Variants in FRAS1 observed in about 807,000 individuals in gnomAD.
FRAS1 encodes extracellular matrix organizing protein FRAS1.
In FRAS1, 290 loss-of-function variants were observed where a neutral mutation model predicts 435.2. That is an observed-to-expected ratio of 0.67 (90% CI 0.61 to 0.73). FRAS1 has a LOEUF of 0.73. FRAS1 is among the 30% of genes least tolerant of loss of function. FRAS1 has a pLI of 0.00. For missense variants in FRAS1, 4,860 were observed against 5,001.5 expected, an observed-to-expected ratio of 0.97 and a Z score of 0.85; for synonymous variants, 1,800 against 1,851.0, an observed-to-expected ratio of 0.97 and a Z score of 0.71.
chr4:78,286,303 C>A, intron 13 of FRAS1, 102 bp from the exon 14 acceptor site: 1 of 1,327,332 alleles, frequency 7.5e-7, no homozygotes, highest in Non-Finnish European at 1.1e-6. Flanking sequence ...TGTTTGGGAC[C>A]TGGAGCCTCA....
intron 50 of FRAS1, among the ~76,000 whole-genome samples, 193 bp downstream of exon 50, chr4:78,466,628 G>C (rs113062538): frequency 3.3e-5 from 5 of 152,328 alleles, no homozygotes; most frequent in African/African-American, 1.2e-4. Flanking sequence ...GCTTCAAATA[G>C]TTGGTTTAAG....
chr4:78,528,978 A>G (rs1045547599), intron 70 of FRAS1, among the ~76,000 whole-genome samples: 1 of 152,096 alleles, frequency 6.6e-6, no homozygotes, highest in African/African-American at 2.4e-5. Flanking sequence ...GGAGGAAAAG[A>G]AGAGAGGAGC....
chr4:78,315,129 G>A (rs1267483625), intron 15 of FRAS1, among the ~76,000 whole-genome samples: 1 of 152,158 alleles, frequency 6.6e-6, no homozygotes, highest in African/African-American at 2.4e-5. Flanking sequence ...AATTTTAGTA[G>A]CATGACCTTG....
chr4:78,473,616 T>C lies in FRAS1; in HGVS notation c.7682+19T>C. ...ATACCAGGTACAAGTTTTACTGTGC[T>C]TTCCTTCTTGAGAAATCAATCAGGC... On this transcript the variant is annotated intron_variant, in intron 53 of 73. Transcript: ENST00000512123. 1 of 1,547,866 alleles carries C rather than the reference T, an allele frequency of 6.5e-7. No individual in the cohort carries two copies. Among genetic ancestry groups the C allele is most frequent in the African/African-American group, 1.4e-5 (1 of 73,362 alleles).
intron 2 of FRAS1, among the ~76,000 whole-genome samples, chr4:78,201,492 T>C (rs1200070594): frequency 6.6e-6 from 1 of 152,184 alleles, no homozygotes; most frequent in Non-Finnish European, 1.5e-5. Context: ...CCTCCCATCT[T>C]TCAGTGCTTT....
chr4:78,430,880 G>A (rs1405770691), intron 37 of FRAS1, among the ~76,000 whole-genome samples: 1 of 152,080 alleles, frequency 6.6e-6, no homozygotes, highest in Non-Finnish European at 1.5e-5. Flanking sequence ...TATTATCTAT[G>A]TGATATAACA....
At chr4:78,470,114 G>T in intron 51 of FRAS1, 23 bp downstream of exon 51, 1 of 1,493,148 alleles carries the variant, frequency 6.7e-7, no homozygotes, top group Non-Finnish European at 9.3e-7. Context: ...CCTCTGTCAT[G>T]TTCACACCAC....
intron 9 of FRAS1, among the ~76,000 whole-genome samples, chr4:78,271,925 C>T (rs1251006253): frequency 1.3e-5 from 2 of 152,184 alleles, no homozygotes; most frequent in Non-Finnish European, 2.9e-5. Flanking sequence ...GTTTACCGTC[C>T]CACCAACAGT....
At position 78,540,659 on chromosome 4, in the gene FRAS1, C is replaced by T. The variant is rs768671807; in HGVS notation, c.11574C>T (p.Pro3858=). 2.4e-5 allele frequency: 39 copies of T among 1,611,708 alleles called. No individual in the cohort carries two copies. The highest frequency in any genetic ancestry group is 2.1e-4 in the African/African-American group (16 of 74,860). ...GCAACCGAAGGGACCTGGTAGAGCC[C>T]GATGGCCAGCTGATCCTTGATGATT... ...LRRNRRDLVE[P]DGQLILDDSL... is the part of the protein sequence containing the mutation. The change falls in exon 74 of 74, where the codon CCC becomes CCT. Residue 3858 remains proline (P), a synonymous_variant. Transcript: ENST00000512123.
intron 2 of FRAS1, among the ~76,000 whole-genome samples, chr4:78,201,066 A>G (rs1222928416): frequency 1.3e-5 from 2 of 151,886 alleles, no homozygotes; most frequent in East Asian, 3.9e-4. Context: ...TACTTTTCTG[A>G]TCTCAGATGT....
At chr4:78,476,833 G>T (rs1011594867) in intron 54 of FRAS1, among the ~76,000 whole-genome samples, 2 of 152,062 alleles carry the variant, frequency 1.3e-5, no homozygotes, top group African/African-American at 4.8e-5. Context: ...AATTTTTGCA[G>T]ATTTGTGTGT....
At chr4:78,127,116 C>T (rs1479116859) in intron 2 of FRAS1, among the ~76,000 whole-genome samples, 3 of 120,120 alleles carry the variant, frequency 2.5e-5, no homozygotes. Flanking sequence ...ATAATGGAGA[C>T]ATGATTCAAA....
chr4:78,077,931 A>G (rs1740729280), intron 2 of FRAS1, among the ~76,000 whole-genome samples: 2 of 151,898 alleles, frequency 1.3e-5, no homozygotes, highest in African/African-American at 4.8e-5. Flanking sequence ...GCAAATATAA[A>G]AGAGAGAATG....
At chr4:78,084,998 C>T (rs1351404474) in intron 2 of FRAS1, among the ~76,000 whole-genome samples, 2 of 152,046 alleles carry the variant, frequency 1.3e-5, no homozygotes, top group African/African-American at 4.8e-5. Flanking sequence ...ATTACAGATA[C>T]ACACTGTGCT....
intron 9 of FRAS1, among the ~76,000 whole-genome samples, chr4:78,277,097 C>T (rs1727082447): frequency 6.6e-6 from 1 of 152,226 alleles, no homozygotes; most frequent in Non-Finnish European, 1.5e-5. Context: ...GCTCCGTGAG[C>T]ATGGGACCCT....
chr4:78,079,043 T>G (rs1017499797), intron 2 of FRAS1, among the ~76,000 whole-genome samples: 7 of 152,174 alleles, frequency 4.6e-5, no homozygotes, highest in African/African-American at 1.4e-4. Context: ...AAGTAAATCA[T>G]CGTAGATTAA....
chr4:78,542,782 G>C lies in FRAS1; in HGVS notation c.*1658G>C, dbSNP rs545088815. On this transcript the variant is annotated 3_prime_UTR_variant, in exon 74 of 74. Coordinates refer to ENST00000512123, the MANE Select transcript of FRAS1 (RefSeq NM_025074.7). ...TGAATGAATGGTGTCATGGGTGAATGATGGGGAGTAAATTTAGGAAGGGGA... is the reference window on the plus strand; with the variant it reads ...TGAATGAATGGTGTCATGGGTGAATCATGGGGAGTAAATTTAGGAAGGGGA... The C allele has an allele frequency of 6.6e-6, 1 of 152,624 alleles. No individual in the cohort carries two copies. The highest frequency in any genetic ancestry group is 2.1e-4 in the South Asian group (1 of 4,834). The allele number at this position is 152,624 out of a possible 1,614,324, so 9.5% of individuals were successfully genotyped here.
chr4:78,285,987 C>A (rs559799593), intron 13 of FRAS1, among the ~76,000 whole-genome samples: 2 of 152,240 alleles, frequency 1.3e-5, no homozygotes, highest in East Asian at 3.9e-4. Context: ...GGAAAAGGGG[C>A]AAGAGATCTT....
At chr4:78,147,735 A>G (rs1307353164) in intron 2 of FRAS1, among the ~76,000 whole-genome samples, 1 of 152,154 alleles carries the variant, frequency 6.6e-6, no homozygotes, top group African/African-American at 2.4e-5. Context: ...GTGGAATGGG[A>G]TAATGTGAGC....
Sources: allele counts gnomAD v4.1 joint callset (sites outside exome capture counted in the v4.1 genomes callset), GRCh38; gene constraint gnomAD v4.1.1; transcripts MANE v1.5; gene names NCBI Gene and HGNC (gene_info 2026-07-23, HGNC 2026-07-21).